The following PLCH1 variants were observed in gnomAD, a reference collection of about 807,000 sequenced individuals.
PLCH1 encodes phospholipase C eta 1.
PLCH1 carries 60 observed loss-of-function variants against 126.7 expected under a neutral mutation model. The ratio of observed to expected loss-of-function variants is 0.47; its 90% CI spans 0.38 to 0.59. PLCH1 has a LOEUF of 0.59. PLCH1 is among the 20% of genes least tolerant of loss of function. The probability of loss-of-function intolerance (pLI) is 0.00; values close to 1 mark genes in which losing one functional copy is unlikely to be tolerated. For synonymous variants in PLCH1, 719 were observed against 734.9 expected, an observed-to-expected ratio of 0.98 and a Z score of 0.35; for missense variants, 1,723 against 2,040.0, an observed-to-expected ratio of 0.84 and a Z score of 2.99.
chr3:155,587,981 G>A lies in PLCH1; in HGVS notation c.471-1787C>T, dbSNP rs1449960187. Among the ~76,000 whole-genome samples the A allele has an allele frequency of 1.8e-4, 28 of 152,090 alleles. 1 individual carries two copies. The highest frequency in any genetic ancestry group is 1.8e-3 in the Admixed American group (27 of 15,268). On this transcript the variant is annotated intron_variant, in intron 4 of 22. Coordinates refer to ENST00000460012, the MANE Select transcript of PLCH1 (RefSeq NM_014996.4). The stretch of plus-strand genomic sequence containing the variant: ...AACCAGAGAATCAAAGTAAGCTAAA[G>A]GTATAGTTTTAAAAACCAAGAAATG...
intron 12 of PLCH1, among the ~76,000 whole-genome samples, chr3:155,506,135 T>A (rs1431734492): frequency 6.6e-6 from 1 of 152,154 alleles, no homozygotes. Flanking sequence ...TTGCATTACA[T>A]ATATTCTCAT....
chr3:155,626,994 A>C (rs1045762437), intron 2 of PLCH1, among the ~76,000 whole-genome samples: 3 of 152,186 alleles, frequency 2.0e-5, no homozygotes, highest in African/African-American at 7.2e-5. Flanking sequence ...AAGACAATTC[A>C]CAGAAGTAAC....
chr3:155,494,205 G>C lies in PLCH1; in HGVS notation c.2118C>G (p.Asn706Lys). ...YQSEGRMMQL[N>K]RAKFKANGNC... is the part of the protein sequence containing the mutation. ...TGCCATTTGCCTTGAATTTGGCTCG[G>C]TTTAACTGCATCATTCGTCCTTCAG... is the stretch of plus-strand genomic sequence containing the variant. Residue 706 changes from asparagine to lysine, a missense_variant, in exon 17 of 23, where the codon AAC becomes AAG. By Grantham distance (94) the Asn-to-Lys change is moderately conservative. This residue lies in a region of PLCH1 where 776 missense variants were observed against 1,062.9 expected (regional missense o/e 0.73). Transcript: ENST00000460012. 6.2e-7 allele frequency: 1 copy of C among 1,614,148 alleles called. No individual in the cohort carries two copies. Among genetic ancestry groups the C allele is most frequent in the Non-Finnish European group, 8.5e-7 (1 of 1,180,010 alleles).
At chr3:155,573,225 T>G (rs189704242) in intron 6 of PLCH1, among the ~76,000 whole-genome samples, 5 of 152,188 alleles carry the variant, frequency 3.3e-5, no homozygotes, top group Admixed American at 1.3e-4. Flanking sequence ...TCCTCAAACA[T>G]TGGTAAGCCT....
intron 2 of PLCH1, among the ~76,000 whole-genome samples, chr3:155,641,833 A>C (rs958747049): frequency 6.6e-6 from 1 of 152,068 alleles, no homozygotes; most frequent in Non-Finnish European, 1.5e-5. Flanking sequence ...CTCAAAAAAA[A>C]CCCAAAGGCT....
chr3:155,699,910 G>A (rs1301165097), intron 2 of PLCH1, among the ~76,000 whole-genome samples: 1 of 151,668 alleles, frequency 6.6e-6, no homozygotes, highest in Admixed American at 6.6e-5. Context: ...TAACTACAAA[G>A]TTTACAGTCC....
chr3:155,596,106 A>C (rs545762639), intron 3 of PLCH1, 126 bp downstream of exon 3: 4 of 726,378 alleles, frequency 5.5e-6, no homozygotes, highest in African/African-American at 5.3e-5. Flanking sequence ...TCAATATCCA[A>C]AATCAACTAT....
chr3:155,564,890 C>T (rs370619446), intron 8 of PLCH1, 25 bp downstream of exon 8: 34 of 1,531,562 alleles, frequency 2.2e-5, no homozygotes, highest in African/African-American at 4.1e-5. Context: ...CCATACACAC[C>T]GGAGCTCAGA....
rs1715714935 is a variant in PLCH1, at chr3:155,488,780, G to C, written c.2419C>G (p.Leu807Val). Residue 807 changes from leucine to valine, a missense_variant, in exon 20 of 23, where the codon CTG becomes GTG. Physicochemically the swap from Leu to Val is conservative, Grantham distance 32. Coordinates refer to ENST00000460012, the MANE Select transcript of PLCH1 (RefSeq NM_014996.4). The part of the protein sequence containing the change: ...NGFNPVWEET[L>V]TFTVHMPEIA... ...TCTGGCATGTGTACTGTAAATGTCA[G>C]TGTTTCTTCCCACACAGGGTTAAAT... 6.2e-7 allele frequency: 1 copy of C among 1,612,850 alleles called. No homozygotes were observed.
intron 2 of PLCH1, among the ~76,000 whole-genome samples, chr3:155,694,878 T>C (rs1196874113): frequency 6.6e-6 from 1 of 152,002 alleles, no homozygotes; most frequent in Non-Finnish European, 1.5e-5. Flanking sequence ...AGAAGTCCTA[T>C]GCTGTTTGAT....
intron 6 of PLCH1, among the ~76,000 whole-genome samples, chr3:155,568,768 G>GTGTGTC (rs1728840876): frequency 6.6e-6 from 1 of 151,922 alleles, no homozygotes. Flanking sequence ...GTGTGTGTGT[G>GTGTGTC]TGTGTGTGTG....
At chr3:155,601,996 TCTATGATGA>T (rs1653384482) in intron 2 of PLCH1, among the ~76,000 whole-genome samples, 1 of 152,160 alleles carries the variant, frequency 6.6e-6, no homozygotes, top group Non-Finnish European at 1.5e-5. Flanking sequence ...TTTTGAGTTT[TCTATGATGA>T]CTATGTTGTT....
chr3:155,501,072 T>A (rs1717818259), intron 13 of PLCH1, among the ~76,000 whole-genome samples: 2 of 152,202 alleles, frequency 1.3e-5, no homozygotes, highest in Admixed American at 6.5e-5. Flanking sequence ...TAGTCATGCA[T>A]TTTGAAGGTT....
chr3:155,474,783 T>C (rs1713451267), intron 21 of PLCH1, among the ~76,000 whole-genome samples: 1 of 110,188 alleles, frequency 9.1e-6, no homozygotes, highest in East Asian at 2.8e-4. Context: ...TGTAGGGACA[T>C]GGATGAAATT....
At chr3:155,654,112 C>T (rs1163254713) in intron 2 of PLCH1, among the ~76,000 whole-genome samples, 2 of 151,012 alleles carry the variant, frequency 1.3e-5, no homozygotes. Flanking sequence ...GCTCATTTTA[C>T]TCAACTCCGC....
intron 2 of PLCH1, among the ~76,000 whole-genome samples, chr3:155,693,665 C>CATGCCTGT (rs1178896193): frequency 1.3e-5 from 2 of 152,120 alleles, no homozygotes; most frequent in Non-Finnish European, 2.9e-5. Flanking sequence ...TGTGGTGGCT[C>CATGCCTGT]ATGCCTGTAA....
At chr3:155,475,091 C>T (rs1228933282), downstream of PLCH1, among the ~76,000 whole-genome samples, 2 of 145,448 alleles carry the variant, frequency 1.4e-5, no homozygotes, top group African/African-American at 5.0e-5. Flanking sequence ...AAAAAAAAGA[C>T]AAAAAAATGG....
chr3:155,503,340 C>A (rs1179878133), intron 13 of PLCH1, among the ~76,000 whole-genome samples: 1 of 151,968 alleles, frequency 6.6e-6, no homozygotes. Context: ...TCTCTTGGGT[C>A]TGGTTTATTT....
chr3:155,740,208 C>T (rs1415744450), intron 1 of PLCH1, among the ~76,000 whole-genome samples: 1 of 151,982 alleles, frequency 6.6e-6, no homozygotes, highest in Non-Finnish European at 1.5e-5. Flanking sequence ...GTCAGGAGTT[C>T]GAGACCAGTC....
Sources: gnomAD v4.1 joint callset for allele counts (sites outside exome capture counted in the v4.1 genomes callset) on GRCh38, gnomAD v4.1.1 for gene constraint, gnomAD v4.1.1 regional missense constraint, MANE v1.5 for transcripts, NCBI Gene and HGNC (gene_info 2026-07-23, HGNC 2026-07-21) for gene names.